The following NCOR2 variants were observed in gnomAD, a reference collection of about 807,000 sequenced individuals.
NCOR2 encodes nuclear receptor corepressor 2, also known as CTG repeat protein 26.
Under a neutral mutation model 262.9 loss-of-function variants are expected in NCOR2, and 81 were observed. The observed-to-expected ratio is 0.31, with a 90% CI of 0.26 to 0.37. The LOEUF (loss-of-function observed/expected upper bound fraction) is 0.37, where lower values mean the gene tolerates loss of function less well. Among genes scored for constraint, NCOR2 ranks in the 10% least tolerant of loss-of-function variants. The pLI is 1.00. For missense variants in NCOR2, 3,385 were observed against 3,621.4 expected (o/e 0.93, Z 1.68); for synonymous variants, 1,659 against 1,559.3 (o/e 1.06, Z -1.51).
chr12:124,496,007 C>T (rs1044498101), upstream of NCOR2, among the ~76,000 whole-genome samples: 2 of 152,064 alleles, frequency 1.3e-5, no homozygotes, highest in Admixed American at 6.5e-5. This position sits in a 1 kb window ranked among gnomAD's most constrained non-coding sequence, Gnocchi z 4.4. Context: ...GACAGCCAGT[C>T]GGGCCCTGCA....
In NCOR2 at chr12:124,531,520, A is replaced by G. The variant is rs1301489514; in HGVS notation, c.-118+4045T>C. Among the ~76,000 whole-genome samples, 1 of 152,104 alleles carries G rather than the reference A, an allele frequency of 6.6e-6. No individual in the cohort carries two copies. The highest frequency in any genetic ancestry group is 1.9e-4 in the East Asian group (1 of 5,180). ...AGGAGAAGGAGGGGTAGGGAGCAGG[A>G]AGGAAGGGGGAGGGGAGGAAGGGAT... On this transcript the variant is annotated intron_variant, in intron 1 of 46. Coordinates refer to the NCOR2 transcript ENST00000404621. The surrounding 1 kb of genome is among the most constrained non-coding windows in gnomAD (Gnocchi z 4.5).
At chr12:124,489,081 C>T (rs542466100) in intron 1 of NCOR2, among the ~76,000 whole-genome samples, 12 of 152,046 alleles carry the variant, frequency 7.9e-5, no homozygotes, top group Non-Finnish European at 1.5e-4. Flanking sequence ...CAGGGACTCC[C>T]CCAACAAGAG....
intron 1 of NCOR2, among the ~76,000 whole-genome samples, chr12:124,547,295 T>A (rs1165539977): frequency 6.6e-6 from 1 of 152,188 alleles, no homozygotes; most frequent in Non-Finnish European, 1.5e-5. Flanking sequence ...ACCTGGCCTG[T>A]CCTATTTTAT....
At chr12:124,430,351 G>T (rs1261664458) in intron 9 of NCOR2, among the ~76,000 whole-genome samples, 1 of 152,206 alleles carries the variant, frequency 6.6e-6, no homozygotes, top group African/African-American at 2.4e-5. Flanking sequence ...GGTCGTGCAG[G>T]CCCCAGAAAT....
chr12:124,484,072 C>T (rs2047648640), intron 2 of NCOR2, among the ~76,000 whole-genome samples: 1 of 152,188 alleles, frequency 6.6e-6, no homozygotes, highest in South Asian at 2.1e-4. Context: ...ACCCCACCGT[C>T]CCCACCTGGG....
intron 7 of NCOR2, among the ~76,000 whole-genome samples, chr12:124,439,080 GAAAC>G (rs2044620827): frequency 7.1e-6 from 1 of 141,824 alleles, no homozygotes; most frequent in Admixed American, 7.1e-5. Context: ...CCCAGAGAGA[GAAAC>G]AGAGACCCAG....
chr12:124,481,042 G>A lies in NCOR2; in HGVS notation c.411+2554C>T, dbSNP rs567702152. Among the ~76,000 whole-genome samples the A allele has an allele frequency of 2.2e-4, 34 of 151,998 alleles. No individual in the cohort carries two copies. Among genetic ancestry groups the A allele is most frequent in the Non-Finnish European group, 4.9e-4 (33 of 67,940 alleles). On this transcript the variant is annotated intron_variant, in intron 3 of 46. Coordinates refer to ENST00000405201, the Ensembl canonical transcript of NCOR2. The surrounding 1 kb of genome is among the most constrained non-coding windows in gnomAD (Gnocchi z 4.6). The stretch of plus-strand genomic sequence containing the variant: ...GGTGGTGGCTGGGAGTGGCTCTGTG[G>A]TAGGGAGGTTGCCCCAGGGGATGAG...
chr12:124,393,424 C>A (rs751551020), intron 16 of NCOR2, among the ~76,000 whole-genome samples: 3 of 152,228 alleles, frequency 2.0e-5, no homozygotes, highest in Non-Finnish European at 2.9e-5. Context: ...CTATGGCCAT[C>A]ATGTCCCCAG....
chr12:124,339,773 C>G (rs1351093796), intron 37 of NCOR2, among the ~76,000 whole-genome samples: 1 of 141,368 alleles, frequency 7.1e-6, no homozygotes, highest in Admixed American at 7.2e-5. Flanking sequence ...ACCCCCCCAT[C>G]CATCCATCCA....
intron 13 of NCOR2, among the ~76,000 whole-genome samples, chr12:124,408,156 CA>C (rs2042377050): frequency 6.6e-6 from 1 of 152,104 alleles, no homozygotes; most frequent in African/African-American, 2.4e-5. Flanking sequence ...AAATCGAGAC[CA>C]TCCTGGCTAA....
chr12:124,453,755 C>G (rs996572782), intron 6 of NCOR2, among the ~76,000 whole-genome samples: 56 of 152,372 alleles, frequency 3.7e-4, no homozygotes, highest in Middle Eastern at 6.8e-3. Context: ...GAGGTCGGGG[C>G]TGCTGGGCAC....
At chr12:124,385,630 G>A (rs998782955) in intron 17 of NCOR2, 115 bp downstream of exon 19, 146 of 1,438,356 alleles carry the variant, frequency 1.0e-4, no homozygotes, top group Middle Eastern at 2.4e-4. Context: ...TAACAAGGCG[G>A]CATAATAGCC....
At chr12:124,426,900 C>A in intron 10 of NCOR2, 100 bp from the exon 13 acceptor site, 3 of 1,187,920 alleles carry the variant, frequency 2.5e-6, no homozygotes, top group South Asian at 1.8e-5. Flanking sequence ...ATGGTCTGCG[C>A]CAGAGCAGGG....
chr12:124,468,144 A>C (rs1593684568), intron 4 of NCOR2, among the ~76,000 whole-genome samples: 1 of 42,720 alleles, frequency 2.3e-5, no homozygotes, highest in Non-Finnish European at 4.1e-5. Context: ...CCTCATCACC[A>C]TCACCCTCAT....
At chr12:124,439,088 G>C (rs2044622349) in intron 7 of NCOR2, among the ~76,000 whole-genome samples, 1 of 147,774 alleles carries the variant, frequency 6.8e-6, no homozygotes, top group Non-Finnish European at 1.5e-5. Context: ...GAGAAACAGA[G>C]ACCCAGAGAC....
rs985679459 is a variant in NCOR2 at position 124,454,989 on chromosome 12, G to A, written c.762+2117C>T. 2.0e-5 allele frequency among the ~76,000 whole-genome samples: 3 copies of A among 151,578 alleles called. No individual in the cohort carries two copies. Among genetic ancestry groups the A allele is most frequent in the African/African-American group, 7.2e-5 (3 of 41,380 alleles). ...CAGCCACAAAAAGGAACGAAGGACC[G>A]ACCCACGCTCGACACGGATGAACCT... On this transcript the variant is annotated intron_variant, in intron 6 of 46. Coordinates refer to ENST00000405201, the Ensembl canonical transcript of NCOR2. This position sits in a 1 kb window ranked among gnomAD's most constrained non-coding sequence, Gnocchi z 5.6.
rs529778971 is a variant in NCOR2 at position 124,391,547 on chromosome 12, T to C, written c.1877-5660A>G. On this transcript the variant is annotated intron_variant, in intron 16 of 46. Transcript: ENST00000405201. ...GACGGTGCCTCCGCATTGACACCCT[T>C]GACAGGCCGGGCACTCCTGCGTGTC... 9.2e-5 allele frequency among the ~76,000 whole-genome samples: 14 copies of C among 152,296 alleles called. No individual in the cohort carries two copies. The East Asian group carries it at 2.7e-3, about 29-fold the overall frequency.
At chr12:124,530,068 A>C (rs1404497153) in intron 1 of NCOR2, 1 of 152,260 alleles carries the variant, frequency 6.6e-6, no homozygotes, top group Admixed American at 6.5e-5. Flanking sequence ...TTTGATGTCC[A>C]TCAACTGATG....
intron 46 of NCOR2, 111 bp downstream of exon 48, chr12:124,326,080 C>G: frequency 8.1e-7 from 1 of 1,232,104 alleles, no homozygotes; most frequent in South Asian, 1.7e-5. Context: ...AGAACAGGCC[C>G]GAGTCTGAGC....
Sources: gnomAD v4.1 joint callset for allele counts (sites outside exome capture counted in the v4.1 genomes callset) on GRCh38, gnomAD v4.1.1 for gene constraint, Gnocchi (gnomAD v3.1) non-coding constraint, MANE v1.5 for transcripts, NCBI Gene and HGNC (gene_info 2026-07-23, HGNC 2026-07-21) for gene names.